Variants in UBE2E2 observed in about 807,000 individuals in gnomAD.
The protein encoded by UBE2E2 is ubiquitin conjugating enzyme E2 E2.
In UBE2E2, 6 loss-of-function variants were observed where a neutral mutation model predicts 24.7. That is an observed-to-expected ratio of 0.24 (90% CI 0.13 to 0.48). The LOEUF (loss-of-function observed/expected upper bound fraction) is 0.48, where lower values mean the gene tolerates loss of function less well. Ranked by LOEUF, UBE2E2 falls within the 20% of genes least tolerant of loss-of-function variation. The pLI, the probability that UBE2E2 is intolerant of heterozygous loss-of-function variation, is 0.99. For missense variants in UBE2E2, 169 were observed against 245.0 expected (o/e 0.69, Z 2.07); for synonymous variants, 104 against 83.6 (o/e 1.24, Z -1.33).
At chr3:23,218,197 T>C (rs1335714360) in intron 3 of UBE2E2, among the ~76,000 whole-genome samples, 1 of 152,172 alleles carries the variant, frequency 6.6e-6, no homozygotes, top group Non-Finnish European at 1.5e-5. Context: ...TACTTTTATG[T>C]AAAAACAAAG....
At chr3:23,571,198 C>T (rs1397276956) in intron 5 of UBE2E2, among the ~76,000 whole-genome samples, 1 of 151,046 alleles carries the variant, frequency 6.6e-6, no homozygotes, top group Non-Finnish European at 1.5e-5. Context: ...AATAATGGCT[C>T]CAGAGCACCA....
chr3:23,248,044 A>G (rs577704943), intron 3 of UBE2E2, among the ~76,000 whole-genome samples: 2 of 152,242 alleles, frequency 1.3e-5, no homozygotes, highest in African/African-American at 2.4e-5. Flanking sequence ...TTTGTCTCCA[A>G]TTCCCAATTC....
At chr3:23,208,987 G>A in intron 2 of UBE2E2, 112 bp downstream of exon 2, 1 of 1,171,048 alleles carries the variant, frequency 8.5e-7, no homozygotes, top group Non-Finnish European at 1.2e-6. Context: ...GAACTTCATG[G>A]ATTTTTCTTT....
chr3:23,239,385 A>G (rs1359960379), intron 3 of UBE2E2, among the ~76,000 whole-genome samples: 1 of 152,104 alleles, frequency 6.6e-6, no homozygotes, highest in Admixed American at 6.6e-5. Flanking sequence ...TACTTCCAAA[A>G]CATTTTCATC....
intron 4 of UBE2E2, among the ~76,000 whole-genome samples, chr3:23,528,481 G>A (rs1264846279): frequency 6.6e-6 from 1 of 152,038 alleles, no homozygotes; most frequent in Non-Finnish European, 1.5e-5. Context: ...CGAGAGTGGT[G>A]GGTTTTTATG....
At chr3:23,366,893 A>G (rs116715350) in intron 3 of UBE2E2, among the ~76,000 whole-genome samples, 1 of 152,342 alleles carries the variant, frequency 6.6e-6, no homozygotes, top group African/African-American at 2.4e-5. Flanking sequence ...AACAGAAACT[A>G]TGTTCTAATT....
At chr3:23,492,581 A>AC (rs1699521585) in intron 3 of UBE2E2, among the ~76,000 whole-genome samples, 1 of 152,216 alleles carries the variant, frequency 6.6e-6, no homozygotes, top group Non-Finnish European at 1.5e-5. Context: ...TACCATTAAA[A>AC]GTTTATTTTC....
chr3:23,535,540 A>G (rs762987958), intron 5 of UBE2E2, among the ~76,000 whole-genome samples: 6 of 150,860 alleles, frequency 4.0e-5, no homozygotes, highest in African/African-American at 9.7e-5. Flanking sequence ...TTTCAATGCA[A>G]TTGTCTAGGT....
At chr3:23,354,708 T>G (rs1695885163) in intron 3 of UBE2E2, among the ~76,000 whole-genome samples, 1 of 152,156 alleles carries the variant, frequency 6.6e-6, no homozygotes, top group Non-Finnish European at 1.5e-5. Context: ...AGAATGGCAA[T>G]CACTAAAAAG....
chr3:23,440,090 A>T (rs1698270065), intron 3 of UBE2E2, among the ~76,000 whole-genome samples: 1 of 152,060 alleles, frequency 6.6e-6, no homozygotes, highest in Admixed American at 6.5e-5. Context: ...CCTGGCCAAG[A>T]TGGTGAAACC....
At chr3:23,244,694 A>G (rs1385994300) in intron 3 of UBE2E2, among the ~76,000 whole-genome samples, 1 of 152,164 alleles carries the variant, frequency 6.6e-6, no homozygotes, top group Non-Finnish European at 1.5e-5. Flanking sequence ...GATAATAGGA[A>G]TGAAAATGTG....
intron 4 of UBE2E2, among the ~76,000 whole-genome samples, chr3:23,531,300 G>T (rs1219866585): frequency 6.6e-6 from 1 of 152,164 alleles, no homozygotes; most frequent in Non-Finnish European, 1.5e-5. Context: ...GGTACCAAAA[G>T]ACTGTCTTTA....
At chr3:23,396,665 TTCTG>T (rs1432629099) in intron 3 of UBE2E2, among the ~76,000 whole-genome samples, 2 of 152,088 alleles carry the variant, frequency 1.3e-5, no homozygotes, top group Non-Finnish European at 2.9e-5. Flanking sequence ...TACTTAACCT[TTCTG>T]TCTCTCTGTT....
At chr3:23,314,427 G>A (rs556761782) in intron 3 of UBE2E2, among the ~76,000 whole-genome samples, 238 of 124,518 alleles carry the variant, frequency 1.9e-3, no homozygotes, top group Non-Finnish European at 3.1e-3. Flanking sequence ...ACTGTGGCCC[G>A]CCATAGTTAT....
chr3:23,476,462 A>C (rs1699140361), intron 3 of UBE2E2, among the ~76,000 whole-genome samples: 1 of 152,120 alleles, frequency 6.6e-6, no homozygotes, highest in Non-Finnish European at 1.5e-5. Context: ...TGGGAGACCA[A>C]GGGAGGAGGC....
At chr3:23,578,311 G>T (rs1194227818) in intron 5 of UBE2E2, among the ~76,000 whole-genome samples, 1 of 152,208 alleles carries the variant, frequency 6.6e-6, no homozygotes, top group Non-Finnish European at 1.5e-5. Context: ...AGAGAAAAAG[G>T]AATGCATTTA....
At chr3:23,550,808 G>T (rs1160281604) in intron 5 of UBE2E2, among the ~76,000 whole-genome samples, 2 of 152,158 alleles carry the variant, frequency 1.3e-5, no homozygotes, top group Admixed American at 6.5e-5. Flanking sequence ...CTGAGTTGAG[G>T]AGACAGAGAT....
intron 3 of UBE2E2, among the ~76,000 whole-genome samples, chr3:23,489,642 A>C (rs1699453597): frequency 6.6e-6 from 1 of 152,196 alleles, no homozygotes; most frequent in African/African-American, 2.4e-5. Flanking sequence ...TCATGGGATA[A>C]TGCGAGTAAT....
At chr3:23,309,060 G>C (rs893797421) in intron 3 of UBE2E2, among the ~76,000 whole-genome samples, 2 of 152,200 alleles carry the variant, frequency 1.3e-5, no homozygotes, top group Non-Finnish European at 2.9e-5. Flanking sequence ...TTTTAGCTGT[G>C]CTCACAGCCA....
Sources: gnomAD v4.1 joint callset for allele counts (sites outside exome capture counted in the v4.1 genomes callset) on GRCh38, gnomAD v4.1.1 for gene constraint, MANE v1.5 for transcripts, NCBI Gene and HGNC (gene_info 2026-07-23, HGNC 2026-07-21) for gene names.